Variants in EFR3B observed in about 807,000 individuals in gnomAD.
EFR3B encodes the protein EFR3 homolog B.
In EFR3B, 64 loss-of-function variants were observed where a neutral mutation model predicts 104.7. The ratio of observed to expected loss-of-function variants is 0.61; its 90% CI spans 0.50 to 0.75. The LOEUF (loss-of-function observed/expected upper bound fraction) is 0.75, where lower values mean the gene tolerates loss of function less well. Among genes scored for constraint, EFR3B ranks in the 30% least tolerant of loss-of-function variants. The pLI, the probability that EFR3B is intolerant of heterozygous loss-of-function variation, is 0.00. For missense variants in EFR3B, 750 were observed against 1,078.5 expected, an observed-to-expected ratio of 0.70 and a Z score of 4.27; for synonymous variants, 385 against 417.9, an observed-to-expected ratio of 0.92 and a Z score of 0.96.
intron 1 of EFR3B, among the ~76,000 whole-genome samples, chr2:25,066,732 T>C (rs911649038): frequency 6.6e-6 from 1 of 152,220 alleles, no homozygotes; most frequent in Non-Finnish European, 1.5e-5. Context: ...TTTCACCTTC[T>C]ACTATGTCTA....
chr2:25,132,891 C>T lies in EFR3B; in HGVS notation c.1148-12C>T. ...GTGCCTCACTGGGCACCCTCTCCGC[C>T]ACCTCCTGCAGGCTCCTTTGCCAGC... On this transcript the variant is annotated splice_polypyrimidine_tract_variant and intron_variant, in intron 10 of 22. Coordinates refer to ENST00000403714, the MANE Select transcript of EFR3B (RefSeq NM_014971.2). 6.5e-7 allele frequency: 1 copy of T among 1,549,478 alleles called. No individual in the cohort carries two copies. The highest frequency in any genetic ancestry group is 8.7e-7 in the Non-Finnish European group (1 of 1,146,410).
At chr2:25,060,258 A>T (rs983973232) in intron 1 of EFR3B, among the ~76,000 whole-genome samples, 52 of 152,334 alleles carry the variant, frequency 3.4e-4, no homozygotes, top group Non-Finnish European at 5.7e-4. Flanking sequence ...ATAATTTTTT[A>T]AAAAAGTTTT....
chr2:25,054,010 C>T (rs1667953510), intron 1 of EFR3B, among the ~76,000 whole-genome samples: 1 of 152,216 alleles, frequency 6.6e-6, no homozygotes, highest in African/African-American at 2.4e-5. Context: ...TGGGACCGGG[C>T]TGTGTGGTGC....
At chr2:25,144,474 G>A (rs1398039914) in intron 18 of EFR3B, among the ~76,000 whole-genome samples, 1 of 152,008 alleles carries the variant, frequency 6.6e-6, no homozygotes, top group Non-Finnish European at 1.5e-5. Flanking sequence ...AACCCGGGAG[G>A]CAAAGATTGC....
At chr2:25,095,758 G>A (rs1669258671) in intron 3 of EFR3B, among the ~76,000 whole-genome samples, 1 of 152,110 alleles carries the variant, frequency 6.6e-6, no homozygotes, top group Non-Finnish European at 1.5e-5. Context: ...GAACAGTGGG[G>A]CTGGGGTTTT....
chr2:25,141,725 A>C (rs933927784), intron 17 of EFR3B, among the ~76,000 whole-genome samples: 2 of 152,258 alleles, frequency 1.3e-5, no homozygotes, highest in Non-Finnish European at 2.9e-5. Context: ...GTCATTCCTG[A>C]CAAGACATTA....
chr2:25,048,944 C>T (rs995356517), intron 1 of EFR3B, among the ~76,000 whole-genome samples: 1 of 152,170 alleles, frequency 6.6e-6, no homozygotes, highest in African/African-American at 2.4e-5. Context: ...GGGCTGCTCC[C>T]TACAAAGACT....
chr2:25,057,150 T>C (rs1420103745), intron 1 of EFR3B, among the ~76,000 whole-genome samples: 1 of 152,142 alleles, frequency 6.6e-6, no homozygotes, highest in Non-Finnish European at 1.5e-5. Context: ...AATTTCCTCA[T>C]TGGTAAGACA....
rs1298225674 is a variant in EFR3B at position 25,158,954 on chromosome 2, G to A, written c.*4614G>A. ...TGAGTGCAGAATTAGTGCCCGTGGC[G>A]GTTTTCTGTATTTTAAACCCATTGA... On this transcript the variant is annotated 3_prime_UTR_variant, in exon 23 of 23. Transcript: ENST00000403714. The A allele has an allele frequency of 3.9e-5, 6 of 152,142 alleles. No individual in the cohort carries two copies. The East Asian group carries it at 5.8e-4, about 15-fold the overall frequency. 9.4% of individuals were successfully genotyped at this position (152,142 alleles called of 1,614,324 possible).
intron 4 of EFR3B, among the ~76,000 whole-genome samples, chr2:25,119,483 T>C (rs557166932): frequency 5.6e-4 from 86 of 152,392 alleles, no homozygotes; most frequent in Middle Eastern, 6.8e-3. Context: ...TGGGGGCTTA[T>C]GAAGGCCAGG....
intron 1 of EFR3B, among the ~76,000 whole-genome samples, chr2:25,064,823 T>C (rs552645971): frequency 2.6e-5 from 4 of 152,324 alleles, no homozygotes; most frequent in African/African-American, 9.6e-5. Flanking sequence ...CTTCCAAAAA[T>C]GTAACCAATA....
chr2:25,052,137 A>G lies in EFR3B; in HGVS notation c.7+9818A>G, dbSNP rs537663651. ...CCTGAACCCGGGAGGCGGAGGTTGC[A>G]GTGAGCCAAGATCACACCATTGGGC... On this transcript the variant is annotated intron_variant, in intron 1 of 22. Coordinates refer to ENST00000403714, the MANE Select transcript of EFR3B (RefSeq NM_014971.2). Among the ~76,000 whole-genome samples the G allele has an allele frequency of 1.0e-3, 157 of 152,094 alleles. 1 individual carries two copies. Among genetic ancestry groups the G allele is most frequent in the African/African-American group, 3.7e-3 (154 of 41,546 alleles).
intron 3 of EFR3B, among the ~76,000 whole-genome samples, chr2:25,102,156 G>A (rs944102549): frequency 1.3e-5 from 2 of 152,118 alleles, no homozygotes; most frequent in African/African-American, 4.8e-5. Flanking sequence ...GGCTAGTTTG[G>A]GAGAGCTTGG....
At chr2:25,043,317 G>T (rs961761158) in intron 1 of EFR3B, among the ~76,000 whole-genome samples, 2 of 152,232 alleles carry the variant, frequency 1.3e-5, no homozygotes, top group African/African-American at 4.8e-5. Context: ...GGCTGCACTT[G>T]AGGGGTCAGT....
In EFR3B at chr2:25,149,861, A is replaced by G. The variant is rs891299683; in HGVS notation, c.2191+119A>G. The G allele has an allele frequency of 1.4e-5, 13 of 910,006 alleles. 1 individual carries two copies. Among genetic ancestry groups the G allele is most frequent in the South Asian group, 8.5e-5 (6 of 70,506 alleles). 56.4% of individuals were successfully genotyped at this position (910,006 alleles called of 1,614,324 possible). On this transcript the variant is annotated intron_variant, in intron 20 of 22. Coordinates refer to ENST00000403714, the MANE Select transcript of EFR3B (RefSeq NM_014971.2). ...GCAGTGGGATCCAGCACCTGCGTGA[A>G]GGGAGAGGCTGGTGTCTTTTGACAA...
intron 1 of EFR3B, among the ~76,000 whole-genome samples, chr2:25,053,903 T>C (rs1182896074): frequency 6.6e-6 from 1 of 152,148 alleles, no homozygotes; most frequent in Non-Finnish European, 1.5e-5. Flanking sequence ...CGAGACTCCG[T>C]CAAACAAACA....
At chr2:25,104,353 A>G (rs1157520734) in intron 4 of EFR3B, among the ~76,000 whole-genome samples, 1 of 152,208 alleles carries the variant, frequency 6.6e-6, no homozygotes, top group Admixed American at 6.5e-5. Context: ...TGGGTGACAG[A>G]GACTCCATCT....
At chr2:25,068,098 GA>G (rs1668387179) in intron 1 of EFR3B, among the ~76,000 whole-genome samples, 2 of 152,162 alleles carry the variant, frequency 1.3e-5, no homozygotes, top group Admixed American at 1.3e-4. Context: ...TGGGCTTTCT[GA>G]GCCAAGGGGA....
At position 25,114,385 on chromosome 2, in the gene EFR3B, G is replaced by A. The variant is rs1669804718; in HGVS notation, c.364-7288G>A. 6.6e-6 allele frequency among the ~76,000 whole-genome samples: 1 copy of A among 152,156 alleles called. No individual in the cohort carries two copies. The highest frequency in any genetic ancestry group is 2.1e-4 in the South Asian group (1 of 4,826). On this transcript the variant is annotated intron_variant, in intron 4 of 22. Transcript: ENST00000403714. This position sits in a 1 kb window ranked among gnomAD's most constrained non-coding sequence, Gnocchi z 4.0. ...ATCTCCCCACAAGCTGTCAAACCAA[G>A]GGATCCTAAGGAGGCTCGAGATCCT...
Sources: gnomAD v4.1 joint callset for allele counts (sites outside exome capture counted in the v4.1 genomes callset) on GRCh38, gnomAD v4.1.1 for gene constraint, Gnocchi (gnomAD v3.1) non-coding constraint, MANE v1.5 for transcripts, NCBI Gene and HGNC (gene_info 2026-07-23, HGNC 2026-07-21) for gene names.